Variants in SLCO1B3 observed in about 807,000 individuals in gnomAD.
The protein encoded by SLCO1B3 is solute carrier organic anion transporter family member 1B3.
A neutral mutation model predicts 71.8 loss-of-function variants in SLCO1B3; 72 were observed. The observed-to-expected ratio is 1.00, with a 90% CI of 0.83 to 1.22. The LOEUF is 1.22. SLCO1B3 is among the 50% of genes most tolerant of loss of function. The pLI, the probability that SLCO1B3 is intolerant of heterozygous loss-of-function variation, is 0.00. For synonymous variants in SLCO1B3, 298 were observed against 278.4 expected, an observed-to-expected ratio of 1.07 and a Z score of -0.70; for missense variants, 911 against 819.7, an observed-to-expected ratio of 1.11 and a Z score of -1.36.
intron 3 of SLCO1B3, among the ~76,000 whole-genome samples, chr12:20,853,976 G>T (rs879660599): frequency 6.7e-6 from 1 of 150,326 alleles, no homozygotes; most frequent in Non-Finnish European, 1.5e-5. Flanking sequence ...CATTGGTTGT[G>T]TAAGAAAGAA....
intron 9 of SLCO1B3, 59 bp downstream of exon 9, chr12:20,875,536 T>A: frequency 6.6e-7 from 1 of 1,522,722 alleles, no homozygotes. Flanking sequence ...AACGGAGAAG[T>A]GAGTAAAAAA....
At chr12:20,890,554 T>C (rs1865884342) in intron 13 of SLCO1B3, among the ~76,000 whole-genome samples, 1 of 152,186 alleles carries the variant, frequency 6.6e-6, no homozygotes, top group Non-Finnish European at 1.5e-5. Flanking sequence ...CTAATGTCCA[T>C]TGTAAAAGTT....
At chr12:20,823,504 C>T (rs1489923155) in intron 3 of SLCO1B3, among the ~76,000 whole-genome samples, 5 of 152,082 alleles carry the variant, frequency 3.3e-5, no homozygotes, top group Non-Finnish European at 5.9e-5. Context: ...TTCAATTCCC[C>T]AGTTTTATTA....
intron 7 of SLCO1B3, 28 bp from the exon 8 acceptor site, chr12:20,862,728 T>C: frequency 6.5e-7 from 1 of 1,548,668 alleles, no homozygotes; most frequent in Middle Eastern, 1.7e-4. Context: ...TTGTGACATC[T>C]GATTAAATTG....
At chr12:20,856,427 G>A (rs895652123) in intron 4 of SLCO1B3, among the ~76,000 whole-genome samples, 4 of 151,866 alleles carry the variant, frequency 2.6e-5, no homozygotes, top group East Asian at 1.9e-4. Flanking sequence ...AAAATGATGC[G>A]AATAAAAACA....
chr12:20,833,712 A>G (rs1864599225), intron 3 of SLCO1B3, among the ~76,000 whole-genome samples: 1 of 140,190 alleles, frequency 7.1e-6, no homozygotes, highest in Non-Finnish European at 1.6e-5. Flanking sequence ...AATTACATGT[A>G]TATTACATAT....
intron 3 of SLCO1B3, among the ~76,000 whole-genome samples, chr12:20,825,780 C>A (rs1235754254): frequency 4.4e-5 from 5 of 113,398 alleles, no homozygotes; most frequent in Non-Finnish European, 5.0e-5. Flanking sequence ...GCCTGGGTGA[C>A]AGAGCAAGAC....
chr12:20,815,866 A>G (rs374604069), intron 3 of SLCO1B3, 44 bp downstream of exon 3: 223 of 1,305,172 alleles, frequency 1.7e-4, no homozygotes, highest in Non-Finnish European at 2.2e-4. Flanking sequence ...AGTTAATGGA[A>G]AATTTTTATG....
At position 20,861,140 on chromosome 12, in the gene SLCO1B3, T is replaced by A; in HGVS notation, c.481+2T>A. The A allele has an allele frequency of 6.3e-7, 1 of 1,576,332 alleles. No individual in the cohort carries two copies. Among genetic ancestry groups the A allele is most frequent in the Non-Finnish European group, 8.6e-7 (1 of 1,162,660 alleles). ...CATCACCTGAGATAGTAGAAAAAGG[T>A]AAGAATTAATAGTGACAGTAAAACA... is the stretch of plus-strand genomic sequence containing the variant. On this transcript the variant is annotated splice_donor_variant, in intron 6 of 15. Coordinates refer to ENST00000381545, the MANE Select transcript of SLCO1B3 (RefSeq NM_019844.4). LOFTEE classifies it high-confidence loss of function.
intron 15 of SLCO1B3, among the ~76,000 whole-genome samples, chr12:20,914,294 A>G (rs1209440845): frequency 6.6e-6 from 1 of 152,026 alleles, no homozygotes; most frequent in African/African-American, 2.4e-5. Context: ...TTAAATAAAA[A>G]TTTCAGTGAT....
chr12:20,825,714 G>T (rs948792476), intron 3 of SLCO1B3, among the ~76,000 whole-genome samples: 1 of 149,702 alleles, frequency 6.7e-6, no homozygotes, highest in Non-Finnish European at 1.5e-5. Flanking sequence ...CAGGAGAATT[G>T]CTTGGATTTG....
intron 3 of SLCO1B3, among the ~76,000 whole-genome samples, chr12:20,821,861 C>G (rs1163244347): frequency 6.6e-6 from 1 of 152,184 alleles, no homozygotes; most frequent in Non-Finnish European, 1.5e-5. Context: ...CAGTCCGTGA[C>G]CGGCACCGGA....
chr12:20,909,332 A>ATTTT (rs36075263), intron 15 of SLCO1B3, among the ~76,000 whole-genome samples: 21 of 138,818 alleles, frequency 1.5e-4, no homozygotes, highest in African/African-American at 2.7e-4. Flanking sequence ...CGCCTGGCTA[A>ATTTT]TTTTTTTTTT....
At chr12:20,852,409 G>A (rs539874821) in intron 3 of SLCO1B3, among the ~76,000 whole-genome samples, 4 of 152,252 alleles carry the variant, frequency 2.6e-5, no homozygotes, top group Admixed American at 2.6e-4. Context: ...AGCCCAAGAG[G>A]TTGGGACTGC....
At chr12:20,914,861 G>T (rs1433542206) in intron 15 of SLCO1B3, among the ~76,000 whole-genome samples, 1 of 152,084 alleles carries the variant, frequency 6.6e-6, no homozygotes, top group Non-Finnish European at 1.5e-5. Context: ...CATGGTTTCT[G>T]AAGAGAAGGC....
At chr12:20,910,457 A>G (rs11045594) in intron 15 of SLCO1B3, among the ~76,000 whole-genome samples, 4,555 of 152,186 alleles carry the variant, frequency 0.03, 190 homozygotes, top group East Asian at 0.1. Flanking sequence ...CTTCACATAA[A>G]CTTTAGAATT....
intron 3 of SLCO1B3, among the ~76,000 whole-genome samples, chr12:20,842,505 T>A (rs994350688): frequency 2.6e-5 from 4 of 152,198 alleles, no homozygotes; most frequent in African/African-American, 9.6e-5. Flanking sequence ...GCTACAAGTT[T>A]TTTTTTAATT....
At chr12:20,904,661 A>G (rs982092773) in intron 15 of SLCO1B3, among the ~76,000 whole-genome samples, 2 of 149,206 alleles carry the variant, frequency 1.3e-5, no homozygotes, top group Non-Finnish European at 3.0e-5. Flanking sequence ...TCTGTGTGGG[A>G]AGTCCAACCC....
intron 13 of SLCO1B3, among the ~76,000 whole-genome samples, chr12:20,884,045 C>T (rs1022244515): frequency 6.6e-6 from 1 of 152,196 alleles, no homozygotes; most frequent in Non-Finnish European, 1.5e-5. Context: ...AATTCACCCA[C>T]AGCATGGCTT....
Sources: gnomAD v4.1 joint callset for allele counts (sites outside exome capture counted in the v4.1 genomes callset) on GRCh38, gnomAD v4.1.1 for gene constraint, MANE v1.5 for transcripts, NCBI Gene and HGNC (gene_info 2026-07-23, HGNC 2026-07-21) for gene names.